Variants in ZPLD1 observed in about 807,000 individuals in gnomAD.
ZPLD1 encodes the protein zona pellucida-like domain-containing protein 1.
In ZPLD1, 34 loss-of-function variants were observed where a neutral mutation model predicts 47.2. The ratio of observed to expected loss-of-function variants is 0.72; its 90% CI spans 0.55 to 0.96. ZPLD1 has a LOEUF of 0.96. ZPLD1 is among the 40% of genes least tolerant of loss of function. The pLI is 0.00. For synonymous variants in ZPLD1, 176 were observed against 186.2 expected (o/e 0.95, Z 0.45); for missense variants, 512 against 505.8 (o/e 1.01, Z -0.12).
intron 3 of ZPLD1, among the ~76,000 whole-genome samples, chr3:102,442,878 C>G (rs1707202736): frequency 6.6e-6 from 1 of 152,062 alleles, no homozygotes. Flanking sequence ...GTGGTTAACT[C>G]TTGGTTATCC....
chr3:102,414,842 T>C (rs926467247), intron 7 of ZPLD1, among the ~76,000 whole-genome samples: 2 of 151,878 alleles, frequency 1.3e-5, no homozygotes, highest in African/African-American at 4.8e-5. Flanking sequence ...GTAATGGTCT[T>C]AAAGTAATAA....
intron 3 of ZPLD1, among the ~76,000 whole-genome samples, chr3:102,448,992 G>T (rs1576154073): frequency 6.6e-6 from 1 of 152,310 alleles, no homozygotes; most frequent in South Asian, 2.1e-4. Flanking sequence ...TGACATCCAG[G>T]TAGATGGTAT....
chr3:102,434,150 G>A (rs1426946761), upstream of ZPLD1, among the ~76,000 whole-genome samples: 1 of 152,104 alleles, frequency 6.6e-6, no homozygotes, highest in Non-Finnish European at 1.5e-5. Flanking sequence ...TTTTTAACAT[G>A]AGTAAAAATT....
chr3:102,472,741 T>C (rs757473689), intron 10 of ZPLD1, among the ~76,000 whole-genome samples: 18 of 152,318 alleles, frequency 1.2e-4, no homozygotes, highest in Non-Finnish European at 2.4e-4. Context: ...AGAAAAGAAC[T>C]TTTAAAGTGA....
intron 7 of ZPLD1, among the ~76,000 whole-genome samples, chr3:102,399,858 G>A (rs563797391): frequency 1.3e-3 from 201 of 152,032 alleles, no homozygotes; most frequent in African/African-American, 4.7e-3. Flanking sequence ...TCTGTCTGTC[G>A]CCCAGGCTGG....
chr3:102,438,641 T>A (rs1328728665), intron 3 of ZPLD1, 48 bp downstream of exon 3: 10 of 1,434,996 alleles, frequency 7.0e-6, no homozygotes, highest in African/African-American at 4.2e-5. Context: ...GAAGAGTGAT[T>A]ATATTTGAAG....
chr3:102,395,083 C>G (rs1706541788), intron 7 of ZPLD1, among the ~76,000 whole-genome samples: 1 of 151,924 alleles, frequency 6.6e-6, no homozygotes, highest in Admixed American at 6.6e-5. Flanking sequence ...AGATGATAAC[C>G]TTTACTGACC....
In ZPLD1 at chr3:102,438,521, A is replaced by T. The variant is rs6784362; in HGVS notation, c.34A>T (p.Ile12Phe). The T allele has an allele frequency of 0.14, 233,533 of 1,612,796 alleles. 17,805 individuals are homozygous for T. Among genetic ancestry groups the T allele is most frequent in the Middle Eastern group, 0.2 (1,189 of 6,058 alleles). Reference protein sequence around the residue: ...EQIWLLLLLTIRVLPGSAQFN... With the variant: ...EQIWLLLLLTFRVLPGSAQFN... ...AATATGGTTGCTGCTGCTTCTAACA[A>T]TTAGAGTGCTTCCGGGGTCTGCTCA... is the stretch of plus-strand genomic sequence containing the variant. Residue 12 changes from isoleucine to phenylalanine, a missense_variant, in exon 3 of 12, where the codon ATT becomes TTT. Ile to Phe is a conservative substitution (Grantham distance 21). Coordinates refer to ENST00000466937, the MANE Select transcript of ZPLD1 (RefSeq NM_001329788.2).
intron 3 of ZPLD1, among the ~76,000 whole-genome samples, chr3:102,445,700 T>C (rs1707246168): frequency 6.6e-6 from 1 of 152,212 alleles, no homozygotes; most frequent in Non-Finnish European, 1.5e-5. Context: ...CCCATGATAG[T>C]CTGCTAGCTT....
chr3:102,435,005 T>C, upstream of ZPLD1: 2 of 1,235,686 alleles, frequency 1.6e-6, no homozygotes, highest in Admixed American at 1.8e-5. Flanking sequence ...TGATATGTTT[T>C]TGAGGAATGT....
In ZPLD1 at chr3:102,450,282, A is replaced by G. The variant is rs1707316143; in HGVS notation, c.107-2637A>G. ...TAATTTACATATAATAAGATGTGCCAATCTTCAGGGTACTGCTTGAAATGT... is the reference window on the plus strand; with the variant it reads ...TAATTTACATATAATAAGATGTGCCGATCTTCAGGGTACTGCTTGAAATGT... On this transcript the variant is annotated intron_variant, in intron 3 of 11. Transcript: ENST00000466937. Among the ~76,000 whole-genome samples, 3 of 152,194 alleles carry G rather than the reference A, an allele frequency of 2.0e-5. No individual in the cohort carries two copies. In the South Asian group the frequency reaches 6.2e-4, roughly 31 times the overall value.
chr3:102,427,186 G>A (rs1235122345), intron 8 of ZPLD1, among the ~76,000 whole-genome samples: 1 of 152,056 alleles, frequency 6.6e-6, no homozygotes, highest in Non-Finnish European at 1.5e-5. Flanking sequence ...CTTCCTAAAG[G>A]CCATTGAGAA....
intron 6 of ZPLD1, 119 bp from the exon 7 acceptor site, chr3:102,462,162 G>T (rs1707515375): frequency 1.7e-6 from 1 of 582,010 alleles, no homozygotes. Context: ...TTTTTGGATT[G>T]ATTCTGTAGG....
At chr3:102,440,172 A>G (rs1036227552) in intron 3 of ZPLD1, among the ~76,000 whole-genome samples, 9 of 152,212 alleles carry the variant, frequency 5.9e-5, no homozygotes, top group African/African-American at 2.2e-4. Context: ...TGCAATCAAG[A>G]GTCACTGAGT....
At chr3:102,444,692 C>G (rs1413981920) in intron 3 of ZPLD1, among the ~76,000 whole-genome samples, 1 of 151,864 alleles carries the variant, frequency 6.6e-6, no homozygotes, top group Non-Finnish European at 1.5e-5. Flanking sequence ...TTATCGGAGC[C>G]CAGGATGTAA....
At chr3:102,465,331 A>T (rs1308782040) in intron 8 of ZPLD1, among the ~76,000 whole-genome samples, 1 of 152,210 alleles carries the variant, frequency 6.6e-6, no homozygotes, top group Non-Finnish European at 1.5e-5. Flanking sequence ...AATCATATAA[A>T]GTTATGTATT....
At chr3:102,458,896 T>C (rs968333187) in intron 6 of ZPLD1, among the ~76,000 whole-genome samples, 1 of 152,016 alleles carries the variant, frequency 6.6e-6, no homozygotes, top group Non-Finnish European at 1.5e-5. Flanking sequence ...GAGACCATCC[T>C]GGCTAACACG....
chr3:102,450,509 A>G (rs952198000), intron 3 of ZPLD1, among the ~76,000 whole-genome samples: 3 of 151,544 alleles, frequency 2.0e-5, no homozygotes, highest in Non-Finnish European at 4.4e-5. Context: ...AGATTCATAG[A>G]AGAGAGAGAG....
chr3:102,454,500 G>T (rs1435734981), intron 4 of ZPLD1, among the ~76,000 whole-genome samples: 1 of 152,104 alleles, frequency 6.6e-6, no homozygotes, highest in African/African-American at 2.4e-5. Flanking sequence ...CAGGAGAAAA[G>T]CCAGGAAAAG....
Sources: allele counts gnomAD v4.1 joint callset (sites outside exome capture counted in the v4.1 genomes callset), GRCh38; gene constraint gnomAD v4.1.1; transcripts MANE v1.5; gene names NCBI Gene and HGNC (gene_info 2026-07-23, HGNC 2026-07-21).